DPP6: variants seen among roughly 807,000 people sequenced by gnomAD.
DPP6 encodes the protein A-type potassium channel modulatory protein DPP6.
DPP6 carries 69 observed loss-of-function variants against 122.6 expected under a neutral mutation model. The ratio of observed to expected loss-of-function variants is 0.56; its 90% CI spans 0.46 to 0.69. The LOEUF (loss-of-function observed/expected upper bound fraction) is 0.69, where lower values mean the gene tolerates loss of function less well. Among genes scored for constraint, DPP6 ranks in the 30% least tolerant of loss-of-function variants. DPP6 has a pLI of 0.00. For synonymous variants in DPP6, 418 were observed against 433.1 expected (o/e 0.97, Z 0.43); for missense variants, 928 against 1,116.9 (o/e 0.83, Z 2.41).
chr7:154,753,133 G>A (rs1032485671), intron 8 of DPP6, among the ~76,000 whole-genome samples: 4 of 152,034 alleles, frequency 2.6e-5, no homozygotes, highest in Admixed American at 2.0e-4. Context: ...TGCCTCCTGC[G>A]GTCCTGCCCA....
intron 1 of DPP6, among the ~76,000 whole-genome samples, chr7:154,137,823 G>T (rs1220019691): frequency 6.6e-6 from 1 of 152,224 alleles, no homozygotes; most frequent in Non-Finnish European, 1.5e-5. Flanking sequence ...GCATCAGGTG[G>T]ATGGCTGTTG....
At chr7:154,709,314 G>T (rs1841018757) in intron 7 of DPP6, among the ~76,000 whole-genome samples, 1 of 152,170 alleles carries the variant, frequency 6.6e-6, no homozygotes, top group Non-Finnish European at 1.5e-5. Context: ...CAAGTAGCTA[G>T]GACTACAGGC....
chr7:154,295,467 A>ATG (rs1805476705), intron 1 of DPP6, among the ~76,000 whole-genome samples: 1 of 152,162 alleles, frequency 6.6e-6, no homozygotes. Flanking sequence ...ATAAGATAGT[A>ATG]TGTGTAATAA....
intron 7 of DPP6, among the ~76,000 whole-genome samples, chr7:154,691,537 G>A (rs749471996): frequency 1.3e-5 from 2 of 152,242 alleles, no homozygotes; most frequent in East Asian, 1.9e-4. Context: ...AAATAAAGCA[G>A]CCGGGCGCGG....
chr7:154,006,932 CT>C (rs1490700444), intron 1 of DPP6, among the ~76,000 whole-genome samples: 3 of 152,252 alleles, frequency 2.0e-5, no homozygotes, highest in Admixed American at 6.5e-5. Context: ...CTACCTCCCC[CT>C]GAAAGGGGGC....
At chr7:154,182,309 C>T (rs1022033018) in intron 1 of DPP6, among the ~76,000 whole-genome samples, 5 of 152,144 alleles carry the variant, frequency 3.3e-5, no homozygotes, top group African/African-American at 9.7e-5. Context: ...CCAAGATCTC[C>T]AGGGCTCCAA....
intron 6 of DPP6, among the ~76,000 whole-genome samples, chr7:154,645,301 G>C (rs569846861): frequency 6.6e-6 from 1 of 151,974 alleles, no homozygotes; most frequent in Non-Finnish European, 1.5e-5. Flanking sequence ...TCCTGACCTC[G>C]TGACCCGCCC....
intron 1 of DPP6, among the ~76,000 whole-genome samples, chr7:154,013,357 C>T (rs1278971963): frequency 3.9e-5 from 6 of 151,936 alleles, no homozygotes; most frequent in African/African-American, 1.5e-4. Context: ...CACTTTGTTG[C>T]CATGTTTAAA....
At chr7:154,628,154 A>G (rs1835199753) in intron 5 of DPP6, among the ~76,000 whole-genome samples, 1 of 152,172 alleles carries the variant, frequency 6.6e-6, no homozygotes, top group Non-Finnish European at 1.5e-5. Flanking sequence ...GAATGCACCA[A>G]CAAATGGCTT....
intron 1 of DPP6, among the ~76,000 whole-genome samples, chr7:153,976,728 G>A (rs570361661): frequency 5.9e-5 from 9 of 152,302 alleles, no homozygotes; most frequent in Non-Finnish European, 1.0e-4. Flanking sequence ...AAGCATTAAG[G>A]AACATCTGAC....
At chr7:154,000,375 C>T (rs570731104) in intron 1 of DPP6, among the ~76,000 whole-genome samples, 1 of 152,274 alleles carries the variant, frequency 6.6e-6, no homozygotes, top group African/African-American at 2.4e-5. Flanking sequence ...GCCTTAGCTC[C>T]CTGTCTGCTG....
chr7:154,617,816 A>G (rs2130836294), intron 5 of DPP6, among the ~76,000 whole-genome samples: 1 of 152,328 alleles, frequency 6.6e-6, no homozygotes, highest in East Asian at 1.9e-4. Flanking sequence ...ATGGAAAACA[A>G]GTTAAAGACA....
At chr7:154,527,253 G>A (rs1477919375) in intron 3 of DPP6, among the ~76,000 whole-genome samples, 2 of 152,110 alleles carry the variant, frequency 1.3e-5, no homozygotes, top group South Asian at 2.1e-4. Context: ...CTTGGCCAGT[G>A]GGAGCCTCTC....
intron 1 of DPP6, among the ~76,000 whole-genome samples, chr7:154,132,836 G>C (rs1398562638): frequency 6.6e-6 from 1 of 151,930 alleles, no homozygotes; most frequent in African/African-American, 2.4e-5. Context: ...TATACAGCAC[G>C]TTGTTGTGTC....
At chr7:154,087,995 T>G (rs892577014) in intron 1 of DPP6, among the ~76,000 whole-genome samples, 1 of 152,154 alleles carries the variant, frequency 6.6e-6, no homozygotes, top group African/African-American at 2.4e-5. Context: ...TTCTTGTGTC[T>G]CTTGTCTTCC....
intron 7 of DPP6, among the ~76,000 whole-genome samples, chr7:154,699,610 G>A (rs1468135718): frequency 2.0e-5 from 3 of 152,162 alleles, no homozygotes; most frequent in African/African-American, 2.4e-5. Flanking sequence ...GGAACTTGCC[G>A]CCCCCAGACA....
At chr7:154,610,703 TTC>T (rs201955031) in intron 5 of DPP6, among the ~76,000 whole-genome samples, 2,309 of 113,826 alleles carry the variant, frequency 0.02, 52 homozygotes, top group Admixed American at 0.091. Flanking sequence ...GTCTGTGTTG[TTC>T]TCTGTGTGTG....
chr7:154,429,290 T>A (rs1387340726), intron 1 of DPP6, among the ~76,000 whole-genome samples: 1 of 152,144 alleles, frequency 6.6e-6, no homozygotes, highest in African/African-American at 2.4e-5. Flanking sequence ...CAGCAAGGCC[T>A]AACGAATTTG....
At chr7:153,909,072 T>C (rs1396385475) in intron 1 of DPP6, among the ~76,000 whole-genome samples, 1 of 152,138 alleles carries the variant, frequency 6.6e-6, no homozygotes, top group Admixed American at 6.5e-5. Flanking sequence ...TTTAAAAGGG[T>C]TATACATGTG....
Sources: gnomAD v4.1 joint callset for allele counts (sites outside exome capture counted in the v4.1 genomes callset) on GRCh38, gnomAD v4.1.1 for gene constraint, MANE v1.5 for transcripts, NCBI Gene and HGNC (gene_info 2026-07-23, HGNC 2026-07-21) for gene names.